BAG4: variants seen among roughly 807,000 people sequenced by gnomAD.
BAG4 encodes the protein BAG family molecular chaperone regulator 4.
A neutral mutation model predicts 52.1 loss-of-function variants in BAG4; 28 were observed. That is an observed-to-expected ratio of 0.54 (90% CI 0.40 to 0.74). BAG4 has a LOEUF of 0.74. Among genes scored for constraint, BAG4 ranks in the 30% least tolerant of loss-of-function variants. The probability of loss-of-function intolerance (pLI) is 0.00; values close to 1 mark genes in which losing one functional copy is unlikely to be tolerated. For missense variants in BAG4, 525 were observed against 572.0 expected (o/e 0.92, Z 0.84); for synonymous variants, 208 against 217.0 (o/e 0.96, Z 0.37).
At chr8:38,188,103 GAA>G in intron 1 of BAG4, among the ~76,000 whole-genome samples, 1 of 133,658 alleles carries the variant, frequency 7.5e-6, no homozygotes, top group South Asian at 2.4e-4. Context: ...AACTGCTAAA[GAA>G]AAAAAAAGTA....
chr8:38,198,582 A>G (rs182924723), intron 2 of BAG4, among the ~76,000 whole-genome samples: 2,905 of 146,948 alleles, frequency 0.02, 81 homozygotes, highest in African/African-American at 0.069. Context: ...TCCGCCTCCC[A>G]GGTTCAAGCA....
chr8:38,182,323 T>G (rs1408384620), intron 1 of BAG4, among the ~76,000 whole-genome samples: 1 of 152,216 alleles, frequency 6.6e-6, no homozygotes, highest in African/African-American at 2.4e-5. Flanking sequence ...AAATGGAATT[T>G]ATGTAGTACG....
intron 1 of BAG4, among the ~76,000 whole-genome samples, chr8:38,177,640 A>G (rs1214639284): frequency 1.3e-5 from 2 of 152,174 alleles, no homozygotes; most frequent in Non-Finnish European, 2.9e-5. Flanking sequence ...AATCATGAAT[A>G]ATCAGTGTTG....
At position 38,209,850 on chromosome 8, in the gene BAG4, T is replaced by G. The variant is rs960281712; in HGVS notation, c.889-158T>G. 2.0e-5 allele frequency among the ~76,000 whole-genome samples: 3 copies of G among 152,226 alleles called. No individual in the cohort carries two copies. In the South Asian group the frequency reaches 6.2e-4, roughly 31 times the overall value. ...TCCCTTTTATCTTCTTAGGACTGTG[T>G]TTTTTTGCAAATGATTAAGGAGAGG... On this transcript the variant is annotated intron_variant, in intron 4 of 4. Coordinates refer to ENST00000287322, the MANE Select transcript of BAG4 (RefSeq NM_004874.4).
At chr8:38,180,728 CT>C (rs1347801225) in intron 1 of BAG4, among the ~76,000 whole-genome samples, 1 of 151,862 alleles carries the variant, frequency 6.6e-6, no homozygotes, top group Non-Finnish European at 1.5e-5. Context: ...CTCGGTGTCA[CT>C]TGTGAGGTTG....
At chr8:38,203,322 G>T (rs1055828461) in intron 2 of BAG4, among the ~76,000 whole-genome samples, 1 of 137,266 alleles carries the variant, frequency 7.3e-6, no homozygotes, top group Non-Finnish European at 1.5e-5. Flanking sequence ...TCACTCTGTC[G>T]CCCAGGCTGG....
At chr8:38,200,756 GC>G (rs1182464783) in intron 2 of BAG4, among the ~76,000 whole-genome samples, 1 of 152,042 alleles carries the variant, frequency 6.6e-6, no homozygotes, top group African/African-American at 2.4e-5. Context: ...GCGCCACCAC[GC>G]CCGGCTAATT....
Position 38,176,974 on chromosome 8 carries a change from C to T in BAG4, c.105C>T (p.Pro35=). The part of the protein sequence containing the change: ...GGDVPVHPPP[P]LYPLRPEPPQ... The stretch of plus-strand genomic sequence containing the variant: ...ATGTGCCGGTACACCCACCTCCACC[C>T]TTATATCCTCTTCGCCCTGAACCTC... The change falls in exon 1 of 5, where the codon CCC becomes CCT. Residue 35 remains proline, a synonymous_variant. Coordinates refer to ENST00000287322, the MANE Select transcript of BAG4 (RefSeq NM_004874.4). 3 of 1,579,340 alleles carry T rather than the reference C, an allele frequency of 1.9e-6. No individual in the cohort carries two copies. The highest frequency in any genetic ancestry group is 1.7e-4 in the Middle Eastern group (1 of 5,766).
chr8:38,177,338 A>C (rs375842095), intron 1 of BAG4, among the ~76,000 whole-genome samples, 199 bp downstream of exon 1: 70 of 152,300 alleles, frequency 4.6e-4, no homozygotes, highest in African/African-American at 1.5e-3. Context: ...CTTCGACCCC[A>C]AAAAATATGT....
At chr8:38,197,839 A>G in intron 2 of BAG4, among the ~76,000 whole-genome samples, 1 of 151,922 alleles carries the variant, frequency 6.6e-6, no homozygotes, top group Non-Finnish European at 1.5e-5. Flanking sequence ...AGCTGGGACT[A>G]CAGGCGTGTG....
chr8:38,207,467 C>A, intron 2 of BAG4, 45 bp from the exon 3 acceptor site: 1 of 1,586,122 alleles, frequency 6.3e-7, no homozygotes, highest in Non-Finnish European at 8.6e-7. Context: ...CATTTCAGCT[C>A]TTCTACTAAT....
intron 1 of BAG4, among the ~76,000 whole-genome samples, chr8:38,182,486 A>T (rs778303086): frequency 2.0e-5 from 3 of 152,248 alleles, no homozygotes; most frequent in African/African-American, 7.2e-5. Flanking sequence ...CTCAGAAGAA[A>T]GGAAATAAAT....
rs774674485 is a variant in BAG4, at chr8:38,179,533, A to AGCACTTTG, written c.270+2395_270+2396insCACTTTGG. 6.2e-3 allele frequency among the ~76,000 whole-genome samples: 937 copies of AGCACTTTG among 151,352 alleles called. 6 individuals carry two copies. The highest frequency in any genetic ancestry group is 0.018 in the Admixed American group (274 of 15,206). On this transcript the variant is annotated intron_variant, in intron 1 of 4. Coordinates refer to ENST00000287322, the MANE Select transcript of BAG4 (RefSeq NM_004874.4). ...GTAATCCCAGCACTTTGGGAGTCCA[A>AGCACTTTG]GGAAGGCGGATCACCTGAGGTCAGG...
chr8:38,186,588 AAAG>A (rs1803369508), intron 1 of BAG4, among the ~76,000 whole-genome samples: 2 of 152,202 alleles, frequency 1.3e-5, no homozygotes, highest in African/African-American at 4.8e-5. Context: ...AGAACCAGGA[AAAG>A]AAGAAGCTAG....
At chr8:38,198,139 A>G (rs1017408057) in intron 2 of BAG4, among the ~76,000 whole-genome samples, 1 of 151,710 alleles carries the variant, frequency 6.6e-6, no homozygotes, top group Non-Finnish European at 1.5e-5. Context: ...AATCCTAGCA[A>G]TTTGGGAGGC....
chr8:38,195,237 A>T (rs946084457), intron 2 of BAG4, among the ~76,000 whole-genome samples: 16 of 151,748 alleles, frequency 1.1e-4, no homozygotes. Context: ...TGCATCCTCG[A>T]CCTCCTGGCT....
intron 2 of BAG4, among the ~76,000 whole-genome samples, chr8:38,202,626 A>G (rs1356269572): frequency 6.7e-6 from 1 of 149,368 alleles, no homozygotes; most frequent in East Asian, 2.0e-4. Context: ...CTGCAGCCTC[A>G]ATCTCCTCTG....
At chr8:38,196,169 AAT>A (rs1382867388) in intron 2 of BAG4, among the ~76,000 whole-genome samples, 5 of 152,156 alleles carry the variant, frequency 3.3e-5, no homozygotes, top group African/African-American at 1.2e-4. Context: ...TTTATGTGGA[AAT>A]ATGTTTTTAT....
chr8:38,183,329 G>C (rs1803306811), intron 1 of BAG4, among the ~76,000 whole-genome samples: 1 of 152,134 alleles, frequency 6.6e-6, no homozygotes, highest in Non-Finnish European at 1.5e-5. Flanking sequence ...TTACAGGCAT[G>C]AGCCACTGTG....
Sources: gnomAD v4.1 joint callset for allele counts (sites outside exome capture counted in the v4.1 genomes callset) on GRCh38, gnomAD v4.1.1 for gene constraint, MANE v1.5 for transcripts, NCBI Gene and HGNC (gene_info 2026-07-23, HGNC 2026-07-21) for gene names.